ZNF131: variants seen among roughly 807,000 people sequenced by gnomAD.
The protein encoded by ZNF131 is zinc finger and BTB domain containing 35.
In ZNF131, 7 loss-of-function variants were observed where a neutral mutation model predicts 60.0. The observed-to-expected ratio is 0.12, with a 90% confidence interval of 0.07 to 0.22. The LOEUF (loss-of-function observed/expected upper bound fraction) is 0.22, where lower values mean the gene tolerates loss of function less well. Among genes scored for constraint, ZNF131 ranks in the 10% least tolerant of loss-of-function variants. ZNF131 has a pLI of 1.00. For missense variants in ZNF131, 493 were observed against 740.9 expected, an observed-to-expected ratio of 0.67 and a Z score of 3.88; for synonymous variants, 257 against 253.2, an observed-to-expected ratio of 1.01 and a Z score of -0.14.
intron 4 of ZNF131, among the ~76,000 whole-genome samples, chr5:43,139,879 G>A (rs1288464197): frequency 6.6e-6 from 1 of 152,098 alleles, no homozygotes; most frequent in Non-Finnish European, 1.5e-5. Flanking sequence ...TTGCTGAGGA[G>A]CCATTCCTAT....
At chr5:43,147,229 G>GT (rs199963891) in intron 4 of ZNF131, among the ~76,000 whole-genome samples, 20 of 149,726 alleles carry the variant, frequency 1.3e-4, no homozygotes, top group Admixed American at 2.7e-4. Flanking sequence ...ACTTTTGCAT[G>GT]TTTTTTTTTA....
At chr5:43,169,942 C>T (rs1041946587) in intron 5 of ZNF131, among the ~76,000 whole-genome samples, 18 of 152,148 alleles carry the variant, frequency 1.2e-4, no homozygotes, top group Admixed American at 1.1e-3. Context: ...AGGCACCCGC[C>T]GCCACGCCTG....
chr5:43,174,269 G>A (rs938009378), intron 6 of ZNF131, among the ~76,000 whole-genome samples, 178 bp from the exon 7 acceptor site: 3 of 152,234 alleles, frequency 2.0e-5, no homozygotes, highest in Non-Finnish European at 4.4e-5. Flanking sequence ...GTGTCAGCTA[G>A]AAGTCCAAAT....
chr5:43,122,237 G>C (rs2112082966), intron 2 of ZNF131, 60 bp downstream of exon 2: 1 of 1,507,798 alleles, frequency 6.6e-7, no homozygotes, highest in African/African-American at 1.4e-5. Flanking sequence ...CTGTCCTTCG[G>C]ACACCCGCCT....
intron 6 of ZNF131, among the ~76,000 whole-genome samples, chr5:43,174,207 A>C (rs1349281332): frequency 2.0e-5 from 3 of 152,218 alleles, no homozygotes; most frequent in Non-Finnish European, 4.4e-5. Flanking sequence ...CAGCCTGGGC[A>C]ACAAGAGCGA....
intron 5 of ZNF131, among the ~76,000 whole-genome samples, chr5:43,171,671 A>G (rs1751011089): frequency 6.6e-6 from 1 of 152,130 alleles, no homozygotes. Context: ...CGCCCAAGCT[A>G]GAGTACAGTG....
chr5:43,156,510 T>G (rs573828533), intron 4 of ZNF131, among the ~76,000 whole-genome samples: 1 of 152,272 alleles, frequency 6.6e-6, no homozygotes, highest in South Asian at 2.1e-4. Context: ...CACATTTACT[T>G]TTGGTTTCAA....
intron 4 of ZNF131, among the ~76,000 whole-genome samples, chr5:43,152,949 G>T (rs2111776360): frequency 6.6e-6 from 1 of 152,138 alleles, no homozygotes; most frequent in East Asian, 1.9e-4. Flanking sequence ...ATATCTTCTG[G>T]AGTCGTAAGA....
chr5:43,123,163 T>A (rs1487157943), intron 2 of ZNF131, 46 bp from the exon 3 acceptor site: 1 of 1,483,666 alleles, frequency 6.7e-7, no homozygotes, highest in Admixed American at 2.1e-5. Flanking sequence ...TACATTTGAT[T>A]TTCGTGCTTG....
intron 5 of ZNF131, among the ~76,000 whole-genome samples, chr5:43,167,172 A>C (rs782988): frequency 0.17 from 25,693 of 152,184 alleles, 2,369 homozygotes; most frequent in South Asian, 0.26. Context: ...AAAACAATTG[A>C]AGTAGTAACA....
chr5:43,171,545 C>T (rs28393665), intron 5 of ZNF131, among the ~76,000 whole-genome samples: 1,818 of 152,206 alleles, frequency 0.012, 33 homozygotes, highest in African/African-American at 0.042. Context: ...GCAACAAGAG[C>T]GAAACTCCGT....
At chr5:43,126,708 C>T (rs889895034) in intron 3 of ZNF131, among the ~76,000 whole-genome samples, 3 of 152,158 alleles carry the variant, frequency 2.0e-5, no homozygotes, top group Non-Finnish European at 2.9e-5. Context: ...CATACTCTTC[C>T]GATCATCGTC....
In ZNF131 at chr5:43,135,319, C is replaced by T. The variant is rs1434724671; in HGVS notation, c.227-3846C>T. Reference sequence around the variant, plus strand: ...CATCAATTGCATTTTTATACACTAACAATGAACTATCTGGAAAGGAAATTA... The same window carrying T: ...CATCAATTGCATTTTTATACACTAATAATGAACTATCTGGAAAGGAAATTA... On this transcript the variant is annotated intron_variant, in intron 3 of 6. Coordinates refer to ENST00000682664, the MANE Select transcript of ZNF131 (RefSeq NM_001330707.2). Among the ~76,000 whole-genome samples, 3 of 149,830 alleles carry T rather than the reference C, an allele frequency of 2.0e-5. No individual in the cohort carries two copies. In the Admixed American group the frequency reaches 2.0e-4, roughly 10 times the overall value.
rs1265813492 is a variant in ZNF131 at position 43,175,511 on chromosome 5, A to T, written c.*378A>T. ...TGTAAAATCAAACTTAAATCATTAG[A>T]ATACAAGTTTATGTATTCTAATGCA... On this transcript the variant is annotated 3_prime_UTR_variant, in exon 7 of 7. Transcript: ENST00000682664. 2.9e-6 allele frequency: 2 copies of T among 697,024 alleles called. No homozygotes were observed. The highest frequency in any genetic ancestry group is 5.2e-6 in the Non-Finnish European group (2 of 383,462). The allele number at this position is 697,024 out of a possible 1,614,324, so 43.2% of individuals were successfully genotyped here. A position where few individuals can be genotyped will look rare whatever the true frequency, so the allele number is the denominator to read the frequency against.
chr5:43,133,866 G>A (rs1465435719), intron 3 of ZNF131, among the ~76,000 whole-genome samples: 1 of 152,208 alleles, frequency 6.6e-6, no homozygotes, highest in African/African-American at 2.4e-5. Flanking sequence ...ATGTACAACT[G>A]CTGTAGAGCT....
At chr5:43,122,660 A>G (rs1744019067) in intron 2 of ZNF131, among the ~76,000 whole-genome samples, 1 of 152,198 alleles carries the variant, frequency 6.6e-6, no homozygotes. Flanking sequence ...CAGCCTTAGG[A>G]GTTGCCTCTA....
At chr5:43,128,760 T>A (rs2112148070) in intron 3 of ZNF131, among the ~76,000 whole-genome samples, 1 of 151,718 alleles carries the variant, frequency 6.6e-6, no homozygotes, top group South Asian at 2.1e-4. Flanking sequence ...GTACCAGTAC[T>A]TTCTTTTTGG....
chr5:43,130,620 A>G (rs900512391), intron 3 of ZNF131, among the ~76,000 whole-genome samples: 1 of 152,060 alleles, frequency 6.6e-6, no homozygotes, highest in African/African-American at 2.4e-5. Context: ...GCTGGAGTGC[A>G]ATGGTGTGAT....
chr5:43,137,683 C>T (rs1411422495), intron 3 of ZNF131, among the ~76,000 whole-genome samples: 1 of 152,088 alleles, frequency 6.6e-6, no homozygotes, highest in Non-Finnish European at 1.5e-5. Flanking sequence ...TATGAATGTT[C>T]CTTAAAAAAT....
Sources: allele counts gnomAD v4.1 joint callset (sites outside exome capture counted in the v4.1 genomes callset), GRCh38; gene constraint gnomAD v4.1.1; transcripts MANE v1.5; gene names NCBI Gene and HGNC (gene_info 2026-07-23, HGNC 2026-07-21).